DPP10: variants seen among roughly 807,000 people sequenced by gnomAD.
DPP10 encodes dipeptidyl peptidase like 10, also known as inactive dipeptidyl peptidase 10.
A neutral mutation model predicts 120.9 loss-of-function variants in DPP10; 33 were observed. That is an observed-to-expected ratio of 0.27 (90% confidence interval 0.21 to 0.37). DPP10 has a LOEUF of 0.37. Among genes scored for constraint, DPP10 ranks in the 10% least tolerant of loss-of-function variants. DPP10 has a pLI of 1.00. For synonymous variants in DPP10, 337 were observed against 326.1 expected, an observed-to-expected ratio of 1.03 and a Z score of -0.36; for missense variants, 816 against 942.8, an observed-to-expected ratio of 0.87 and a Z score of 1.76.
intron 2 of DPP10, among the ~76,000 whole-genome samples, chr2:115,337,035 A>T (rs1409741595): frequency 6.6e-6 from 1 of 152,016 alleles, no homozygotes; most frequent in Non-Finnish European, 1.5e-5. Flanking sequence ...TGAGTAATAA[A>T]TGTTTGTTGA....
chr2:115,765,647 A>C (rs554488223), intron 12 of DPP10, among the ~76,000 whole-genome samples: 151 of 152,250 alleles, frequency 9.9e-4, no homozygotes, highest in African/African-American at 3.3e-3. Context: ...AGAATAAGTA[A>C]AAAATGAGTA....
At chr2:114,703,190 G>C (rs1161746691) in intron 1 of DPP10, among the ~76,000 whole-genome samples, 1 of 152,084 alleles carries the variant, frequency 6.6e-6, no homozygotes, top group African/African-American at 2.4e-5. Context: ...TTGACATAGA[G>C]TTTTACATTA....
chr2:115,560,142 G>A lies in DPP10; in HGVS notation c.441+34170G>A, dbSNP rs145477019. ...TACGACAACTTTGGGAGGCTGAGGC[G>A]GGTGGATCACGAGGTCAAAAGATCG... On this transcript the variant is annotated intron_variant, in intron 5 of 25. Transcript: ENST00000410059. 6.7e-3 allele frequency among the ~76,000 whole-genome samples: 1,014 copies of A among 150,878 alleles called. 5 individuals are homozygous for A. Among genetic ancestry groups the A allele is most frequent in the African/African-American group, 0.022 (907 of 41,056 alleles).
chr2:115,676,245 C>T (rs2090247567), intron 5 of DPP10, among the ~76,000 whole-genome samples: 1 of 152,148 alleles, frequency 6.6e-6, no homozygotes, highest in Non-Finnish European at 1.5e-5. Context: ...AGAATGGCCA[C>T]AAAGGCACTT....
intron 1 of DPP10, among the ~76,000 whole-genome samples, chr2:114,962,063 C>T (rs760844344): frequency 5.9e-5 from 9 of 152,118 alleles, no homozygotes; most frequent in Non-Finnish European, 8.8e-5. Context: ...CAAATACTAT[C>T]TCTGCTATTG....
chr2:115,097,791 T>C (rs1008963077), intron 1 of DPP10, among the ~76,000 whole-genome samples: 2 of 152,208 alleles, frequency 1.3e-5, no homozygotes, highest in Non-Finnish European at 2.9e-5. Context: ...GTTTTTTGAA[T>C]AGTCCTTGTT....
At chr2:115,430,834 A>T (rs575814561) in intron 3 of DPP10, among the ~76,000 whole-genome samples, 1 of 152,226 alleles carries the variant, frequency 6.6e-6, no homozygotes, top group African/African-American at 2.4e-5. Context: ...TGCTCACTCG[A>T]CTCCTACATT....
intron 1 of DPP10, among the ~76,000 whole-genome samples, chr2:114,927,913 A>AG (rs1346418074): frequency 6.6e-6 from 1 of 152,090 alleles, no homozygotes; most frequent in Non-Finnish European, 1.5e-5. Context: ...TAGGGGGAGT[A>AG]GGGGGAGGTT....
intron 3 of DPP10, among the ~76,000 whole-genome samples, chr2:115,465,123 TACTTAA>T (rs1056247870): frequency 1.8e-4 from 28 of 152,304 alleles, no homozygotes; most frequent in Admixed American, 7.2e-4. Context: ...TCCTAAGTAT[TACTTAA>T]TACTTACAAT....
chr2:115,451,847 A>G (rs1395065291), intron 3 of DPP10, among the ~76,000 whole-genome samples: 4 of 152,022 alleles, frequency 2.6e-5, no homozygotes, highest in African/African-American at 9.6e-5. Flanking sequence ...GGAACAAAGT[A>G]TCGTTTGTAT....
At chr2:114,698,331 G>A (rs898631878) in intron 1 of DPP10, among the ~76,000 whole-genome samples, 1 of 152,012 alleles carries the variant, frequency 6.6e-6, no homozygotes, top group Non-Finnish European at 1.5e-5. Flanking sequence ...TCTGGGAAGT[G>A]GATGTTTCAG....
At chr2:114,546,852 A>G (rs910553810) in intron 1 of DPP10, among the ~76,000 whole-genome samples, 1 of 152,218 alleles carries the variant, frequency 6.6e-6, no homozygotes, top group African/African-American at 2.4e-5. Flanking sequence ...TTCCTTGGCT[A>G]ACAAAATAGA....
At chr2:115,064,593 T>C in intron 1 of DPP10, 1 of 1,206,680 alleles carries the variant, frequency 8.3e-7, no homozygotes, top group Non-Finnish European at 1.1e-6. Flanking sequence ...CGGTTGGACA[T>C]AGGTGGGCAC....
At chr2:115,500,219 A>G (rs558828766) in intron 4 of DPP10, among the ~76,000 whole-genome samples, 26 of 152,094 alleles carry the variant, frequency 1.7e-4, no homozygotes, top group Middle Eastern at 3.4e-3. Flanking sequence ...ATAATTACCT[A>G]TTTGGTAAGC....
chr2:114,960,484 G>A (rs1408091718), intron 1 of DPP10, among the ~76,000 whole-genome samples: 2 of 151,638 alleles, frequency 1.3e-5, no homozygotes, highest in African/African-American at 4.8e-5. Flanking sequence ...TTTTACACCT[G>A]TTAATTTTAC....
chr2:114,500,337 C>A (rs914281568), intron 1 of DPP10, among the ~76,000 whole-genome samples: 2 of 152,208 alleles, frequency 1.3e-5, no homozygotes, highest in Non-Finnish European at 2.9e-5. Context: ...ACATGTAATA[C>A]ACATTTACCC....
chr2:115,399,019 T>C (rs1384356803), intron 3 of DPP10, among the ~76,000 whole-genome samples: 2 of 152,174 alleles, frequency 1.3e-5, no homozygotes, highest in East Asian at 1.9e-4. Flanking sequence ...CACTTAATCA[T>C]GTAGAGATTT....
rs759446350 is a variant in DPP10 at position 115,374,071 on chromosome 2, GAC to G, written c.271+30163_271+30164del. ...CAATTCAACATGAAATTTGGGTGGG[GAC>G]ACAGAGCCAAACCGTATCTTTCTGC... On this transcript the variant is annotated intron_variant, in intron 3 of 25. Coordinates refer to ENST00000410059, the MANE Select transcript of DPP10 (RefSeq NM_020868.6). Among the ~76,000 whole-genome samples, 100 of 152,140 alleles carry G rather than the reference GAC, an allele frequency of 6.6e-4. 1 individual carries two copies. Among genetic ancestry groups the G allele is most frequent in the Non-Finnish European group, 1.1e-3 (76 of 67,996 alleles).
rs17043547 is a variant in DPP10, at chr2:114,781,479, T to G, written c.60+338641T>G. On this transcript the variant is annotated intron_variant, in intron 1 of 25. Coordinates refer to ENST00000410059, the MANE Select transcript of DPP10 (RefSeq NM_020868.6). ...TCTTTTGCAGAGGGGCACAGATAGA[T>G]CCATTATTTGTGACACATGGTACAG... Among the ~76,000 whole-genome samples, 612 of 151,896 alleles carry G rather than the reference T, an allele frequency of 4.0e-3. 5 individuals are homozygous for G. The highest frequency in any genetic ancestry group is 0.014 in the African/African-American group (591 of 41,250).
Sources: gnomAD v4.1 joint callset for allele counts (sites outside exome capture counted in the v4.1 genomes callset) on GRCh38, gnomAD v4.1.1 for gene constraint, MANE v1.5 for transcripts, NCBI Gene and HGNC (gene_info 2026-07-23, HGNC 2026-07-21) for gene names.